LGALS8: variants seen among roughly 807,000 people sequenced by gnomAD.
LGALS8 encodes the protein galectin-8.
LGALS8 carries 30 observed loss-of-function variants against 35.9 expected under a neutral mutation model. That is an observed-to-expected ratio of 0.83 (90% CI 0.62 to 1.13). LGALS8 has a LOEUF of 1.13. LGALS8 is among the 50% of genes most tolerant of loss of function. The pLI is 0.00. For missense variants in LGALS8, 366 were observed against 388.7 expected (o/e 0.94, Z 0.49); for synonymous variants, 138 against 136.1 (o/e 1.01, Z -0.10).
intron 5 of LGALS8, 182 bp from the exon 6 acceptor site, chr1:236,541,472 C>G: frequency 2.1e-6 from 1 of 481,654 alleles, no homozygotes; most frequent in Non-Finnish European, 3.7e-6. Context: ...ACATCTTATT[C>G]TCTGTAATGT....
At chr1:236,520,970 A>C (rs538081009), upstream of LGALS8, among the ~76,000 whole-genome samples, 8 of 152,244 alleles carry the variant, frequency 5.3e-5, no homozygotes, top group Admixed American at 4.6e-4. Context: ...AGCAGCTTAA[A>C]CTTTGACTCC....
upstream of LGALS8, among the ~76,000 whole-genome samples, chr1:236,519,276 A>T (rs1285826755): frequency 1.3e-5 from 2 of 151,760 alleles, no homozygotes; most frequent in Admixed American, 6.6e-5. Context: ...TTGTAGTCCC[A>T]GCTACTTGGG....
Position 236,539,826 on chromosome 1 carries a change from T to C in LGALS8, c.345+737T>C, listed in dbSNP as rs2282422. Among the ~76,000 whole-genome samples, 485 of 152,348 alleles carry C rather than the reference T, an allele frequency of 3.2e-3. 6 individuals carry two copies. Among genetic ancestry groups the C allele is most frequent in the East Asian group, 0.023 (119 of 5,180 alleles). On this transcript the variant is annotated intron_variant, in intron 4 of 9. Transcript: ENST00000366584. ...TTGAGCCCGTGTCTGTATCATTCTT[T>C]TTCACAGTTTTTAACAGTTGTGCTT...
chr1:236,532,801 G>A (rs1013520250), intron 2 of LGALS8, among the ~76,000 whole-genome samples: 4 of 152,148 alleles, frequency 2.6e-5, no homozygotes, highest in Non-Finnish European at 5.9e-5. Context: ...CCGAGATCAC[G>A]CCATTGCACT....
At chr1:236,537,806 T>G (rs1333768765) in intron 3 of LGALS8, among the ~76,000 whole-genome samples, 1 of 151,770 alleles carries the variant, frequency 6.6e-6, no homozygotes, top group Non-Finnish European at 1.5e-5. Flanking sequence ...TATAAAAAAT[T>G]AGAACTATCA....
Position 236,543,243 on chromosome 1 carries a change from C to T in LGALS8, c.550-317C>T, listed in dbSNP as rs956924900. The stretch of plus-strand genomic sequence containing the variant: ...TCAGCACCTCCCTGCTTGGCTGCTT[C>T]CCCTTCAGGCAGAACACAGTACTGC... On this transcript the variant is annotated intron_variant, in intron 7 of 9. Coordinates refer to ENST00000366584, the MANE Select transcript of LGALS8 (RefSeq NM_201544.4). 4 of 630,868 alleles carry T rather than the reference C, an allele frequency of 6.3e-6. No homozygotes were observed. In the African/African-American group the frequency reaches 7.3e-5, roughly 12 times the overall value. 39.1% of individuals were successfully genotyped at this position (630,868 alleles called of 1,614,324 possible). A position where few individuals can be genotyped will look rare whatever the true frequency, so the allele number is the denominator to read the frequency against.
Position 236,550,369 on chromosome 1 carries a change from C to CTCTT in LGALS8, c.*2210_*2213dup, listed in dbSNP as rs988503761. 1 of 152,270 alleles carries CTCTT rather than the reference C, an allele frequency of 6.6e-6. No individual in the cohort carries two copies. The highest frequency in any genetic ancestry group is 2.4e-5 in the African/African-American group (1 of 41,450). 9.4% of individuals were successfully genotyped at this position (152,270 alleles called of 1,614,324 possible). A position where few individuals can be genotyped will look rare whatever the true frequency, so the allele number is the denominator to read the frequency against. On this transcript the variant is annotated 3_prime_UTR_variant, in exon 10 of 10. Coordinates refer to ENST00000366584, the MANE Select transcript of LGALS8 (RefSeq NM_201544.4). Reference sequence around the variant, plus strand: ...TAAAAAAAGCATTCCAGAACCACTTCTCTTTATGGGCACAACAAAGAAACG... The same window carrying CTCTT: ...TAAAAAAAGCATTCCAGAACCACTTCTCTTTCTTTATGGGCACAACAAAGAAACG...
chr1:236,520,915 C>T (rs1660531162), upstream of LGALS8, among the ~76,000 whole-genome samples: 1 of 152,232 alleles, frequency 6.6e-6, no homozygotes, highest in African/African-American at 2.4e-5. Context: ...CTGGAATGCT[C>T]TTCCCCACCA....
upstream of LGALS8, among the ~76,000 whole-genome samples, chr1:236,518,694 A>G (rs537280625): frequency 1.0e-3 from 153 of 152,020 alleles, no homozygotes; most frequent in African/African-American, 3.4e-3. Context: ...TCTGTGACGG[A>G]GTTCTGGTTT....
chr1:236,530,151 A>G (rs1661067745), intron 2 of LGALS8, among the ~76,000 whole-genome samples: 1 of 152,240 alleles, frequency 6.6e-6, no homozygotes. Flanking sequence ...AATGAAACAG[A>G]ATTGGTTGTT....
intron 7 of LGALS8, chr1:236,543,356 TA>T: frequency 1.4e-6 from 1 of 691,646 alleles, no homozygotes. Context: ...TTTCATCGTC[TA>T]AAATGTAATC....
At chr1:236,522,018 C>T (rs1006655506), upstream of LGALS8, among the ~76,000 whole-genome samples, 4 of 152,088 alleles carry the variant, frequency 2.6e-5, no homozygotes, top group Admixed American at 2.6e-4. Context: ...CCCATGAGGT[C>T]CTTTGCATGC....
chr1:236,537,927 C>CCCG lies in LGALS8; in HGVS notation c.134+343_134+344insCGC, dbSNP rs1426532347. On this transcript the variant is annotated intron_variant, in intron 3 of 9. Coordinates refer to ENST00000366584, the MANE Select transcript of LGALS8 (RefSeq NM_201544.4). ...AGCCTGGGCAACATAGTGAGACCCC[C>CCCG]CATCTGTAAAAAAAAAAAAAATTTA... 3.2e-4 allele frequency among the ~76,000 whole-genome samples: 31 copies of CCCG among 96,460 alleles called. 1 individual carries two copies. Among genetic ancestry groups the CCCG allele is most frequent in the Admixed American group, 2.6e-3 (26 of 9,948 alleles). The allele number at this position is 96,460 out of a possible 152,430, so 63.3% of individuals were successfully genotyped here. A position where few individuals can be genotyped will look rare whatever the true frequency, so the allele number is the denominator to read the frequency against.
intron 8 of LGALS8, among the ~76,000 whole-genome samples, chr1:236,544,362 C>T (rs1233723429): frequency 6.6e-6 from 1 of 151,294 alleles, no homozygotes; most frequent in African/African-American, 2.5e-5. Context: ...GAGCTATTTC[C>T]TAGAAAGTGG....
In LGALS8 at chr1:236,526,063, G is replaced by A. The variant is rs1199458299; in HGVS notation, c.-8G>A. ...AAGAGACTCCAATCGACAAGAAGCT[G>A]GAAAAGAATGATGTTGTCCTTAAAC... On this transcript the variant is annotated 5_prime_UTR_variant, in exon 2 of 10. Transcript: ENST00000366584. The surrounding 1 kb of genome is among the most constrained non-coding windows in gnomAD (Gnocchi z 4.6). 6.2e-7 allele frequency: 1 copy of A among 1,610,812 alleles called. No homozygotes were observed. Among genetic ancestry groups the A allele is most frequent in the South Asian group, 1.1e-5 (1 of 90,996 alleles).
intron 2 of LGALS8, among the ~76,000 whole-genome samples, chr1:236,530,761 T>C (rs1006662621): frequency 4.6e-5 from 7 of 152,258 alleles, no homozygotes; most frequent in Admixed American, 1.3e-4. Context: ...TTAAACTACA[T>C]TTATGTCCAA....
At chr1:236,525,464 A>C (rs1660765459) in intron 1 of LGALS8, 1 of 151,302 alleles carries the variant, frequency 6.6e-6, no homozygotes, top group African/African-American at 2.4e-5. Flanking sequence ...GTGCAGTGGC[A>C]CAATCTCGGC....
At chr1:236,540,515 CT>C (rs762358135) in intron 4 of LGALS8, 48 bp from the exon 5 acceptor site, 11 of 1,449,958 alleles carry the variant, frequency 7.6e-6, no homozygotes, top group Non-Finnish European at 8.2e-6. Context: ...AATTTATTAA[CT>C]GTTTTTTTTT....
rs1250598710 is a variant in LGALS8, at chr1:236,541,569, A to G, written c.466-85A>G. Reference sequence around the variant, plus strand: ...TTCAAGCATATTTTTAGTACCATTTATAATTTTTTTATATGTCAATATAAA... The same window carrying G: ...TTCAAGCATATTTTTAGTACCATTTGTAATTTTTTTATATGTCAATATAAA... On this transcript the variant is annotated intron_variant, in intron 5 of 9. Transcript: ENST00000366584. 1.3e-5 allele frequency: 9 copies of G among 672,952 alleles called. No homozygotes were observed. The African/African-American group carries it at 1.5e-4, about 11-fold the overall frequency. The allele number at this position is 672,952 out of a possible 1,614,324, so 41.7% of individuals were successfully genotyped here.
Sources: gnomAD v4.1 joint callset for allele counts (sites outside exome capture counted in the v4.1 genomes callset) on GRCh38, gnomAD v4.1.1 for gene constraint, Gnocchi (gnomAD v3.1) non-coding constraint, MANE v1.5 for transcripts, NCBI Gene and HGNC (gene_info 2026-07-23, HGNC 2026-07-21) for gene names.